Variants in VAT1L observed in about 807,000 individuals in gnomAD.
The protein encoded by VAT1L is vesicle amine transport 1 like, also known as putative NADPH-dependent quinone oxidoreductase VAT1L.
Under a neutral mutation model 44.1 loss-of-function variants are expected in VAT1L, and 34 were observed. The ratio of observed to expected loss-of-function variants is 0.77; its 90% CI spans 0.59 to 1.03. The LOEUF (loss-of-function observed/expected upper bound fraction) is 1.03. Ranked by LOEUF, VAT1L falls within the 50% of genes least tolerant of loss-of-function variation. The pLI is 0.00. For synonymous variants in VAT1L, 253 were observed against 202.2 expected (o/e 1.25, Z -2.13); for missense variants, 615 against 538.8 (o/e 1.14, Z -1.40).
At chr16:77,849,681 T>C (rs1030394986) in intron 3 of VAT1L, among the ~76,000 whole-genome samples, 1 of 152,150 alleles carries the variant, frequency 6.6e-6, no homozygotes, top group African/African-American at 2.4e-5. Flanking sequence ...AAAGGTGAAA[T>C]GAATAGAACT....
intron 1 of VAT1L, among the ~76,000 whole-genome samples, chr16:77,789,977 C>T (rs2015803397): frequency 6.6e-6 from 1 of 152,146 alleles, no homozygotes; most frequent in African/African-American, 2.4e-5. Flanking sequence ...GTGAGACGAG[C>T]CTATTCCTTC....
At chr16:77,973,675 T>A (rs1179529860) in intron 8 of VAT1L, among the ~76,000 whole-genome samples, 3 of 145,622 alleles carry the variant, frequency 2.1e-5, no homozygotes, top group Admixed American at 6.8e-5. Context: ...ATCAGTTCTT[T>A]AAAAAAAAAA....
chr16:77,943,433 G>A (rs1192270179), intron 7 of VAT1L, among the ~76,000 whole-genome samples: 1 of 130,234 alleles, frequency 7.7e-6, no homozygotes, highest in African/African-American at 3.0e-5. Context: ...AGGCTGGACT[G>A]TAGTTTCCCG....
At chr16:77,836,627 A>G (rs2016641848) in intron 3 of VAT1L, among the ~76,000 whole-genome samples, 1 of 152,194 alleles carries the variant, frequency 6.6e-6, no homozygotes, top group African/African-American at 2.4e-5. Flanking sequence ...GAAATCTCTA[A>G]TGCCAACAGC....
intron 4 of VAT1L, among the ~76,000 whole-genome samples, chr16:77,869,892 A>G (rs11150019): frequency 0.4 from 60,297 of 151,932 alleles, 12,599 homozygotes; most frequent in East Asian, 0.54. Flanking sequence ...GAAGCCAAGG[A>G]GTATAAGATC....
chr16:77,796,890 A>G (rs2015943738), intron 1 of VAT1L, among the ~76,000 whole-genome samples: 1 of 152,198 alleles, frequency 6.6e-6, no homozygotes, highest in Non-Finnish European at 1.5e-5. Flanking sequence ...AGAAAGTCCA[A>G]TCTGGGACGT....
chr16:77,832,892 G>A (rs142277013), intron 3 of VAT1L, among the ~76,000 whole-genome samples: 21 of 152,282 alleles, frequency 1.4e-4, no homozygotes, highest in Admixed American at 2.0e-4. Context: ...ATCTTCAGTG[G>A]CTGAAGGATT....
chr16:77,899,345 G>T (rs542081861), intron 7 of VAT1L, among the ~76,000 whole-genome samples: 2 of 152,298 alleles, frequency 1.3e-5, no homozygotes, highest in Admixed American at 6.5e-5. Context: ...TGGTTGCCCC[G>T]TCAGGCATCC....
chr16:77,980,092 G>C lies in VAT1L; in HGVS notation c.*2397G>C, dbSNP rs986188286. ...CATAAAAATATAAATAAAGTATTCAGCATAGCAAAACCTCACCTGGCATCT... is the reference window on the plus strand; with the variant it reads ...CATAAAAATATAAATAAAGTATTCACCATAGCAAAACCTCACCTGGCATCT... On this transcript the variant is annotated 3_prime_UTR_variant, in exon 9 of 9. Transcript: ENST00000302536. 5.2e-5 allele frequency: 8 copies of C among 152,590 alleles called. No individual in the cohort carries two copies. The highest frequency in any genetic ancestry group is 1.7e-4 in the African/African-American group (7 of 41,426). The allele number at this position is 152,590 out of a possible 1,614,324, so 9.5% of individuals were successfully genotyped here. A position where few individuals can be genotyped will look rare whatever the true frequency, so the allele number is the denominator to read the frequency against.
chr16:77,813,648 G>A (rs1000594168), intron 1 of VAT1L, among the ~76,000 whole-genome samples: 3 of 152,068 alleles, frequency 2.0e-5, no homozygotes, highest in Non-Finnish European at 2.9e-5. Flanking sequence ...GCTTTTCCAC[G>A]TATGCTTCCC....
chr16:77,974,832 G>C (rs1203599228), intron 8 of VAT1L, among the ~76,000 whole-genome samples: 2 of 152,086 alleles, frequency 1.3e-5, no homozygotes, highest in Admixed American at 6.5e-5. Context: ...GCCTCCCAAA[G>C]AGCTGGGATT....
chr16:77,958,604 C>G (rs1332798211), intron 7 of VAT1L, among the ~76,000 whole-genome samples: 4 of 152,040 alleles, frequency 2.6e-5, no homozygotes, highest in Non-Finnish European at 4.4e-5. Flanking sequence ...TGCTTTAGTT[C>G]AAAACACAAT....
chr16:77,893,892 A>T (rs1451210675), intron 7 of VAT1L, among the ~76,000 whole-genome samples: 1 of 152,232 alleles, frequency 6.6e-6, no homozygotes, highest in African/African-American at 2.4e-5. Flanking sequence ...GCTACTAGGA[A>T]ATGCTTAGCA....
intron 7 of VAT1L, among the ~76,000 whole-genome samples, chr16:77,935,227 G>A (rs2017779273): frequency 1.3e-5 from 2 of 152,150 alleles, no homozygotes; most frequent in South Asian, 2.1e-4. Context: ...TGTAGGAGAT[G>A]TCTCTTCACT....
intron 3 of VAT1L, among the ~76,000 whole-genome samples, chr16:77,835,364 T>A (rs1175105919): frequency 2.0e-5 from 3 of 152,196 alleles, no homozygotes; most frequent in Non-Finnish European, 4.4e-5. Flanking sequence ...TTTGGCTGCC[T>A]CTGGTATGTA....
intron 4 of VAT1L, among the ~76,000 whole-genome samples, chr16:77,864,488 C>G (rs2016949650): frequency 6.6e-6 from 1 of 152,146 alleles, no homozygotes; most frequent in Non-Finnish European, 1.5e-5. Flanking sequence ...TGCCTGTAGT[C>G]TCAGCTACTC....
At chr16:77,870,569 A>C (rs1435515165) in intron 4 of VAT1L, among the ~76,000 whole-genome samples, 1 of 152,230 alleles carries the variant, frequency 6.6e-6, no homozygotes, top group African/African-American at 2.4e-5. Flanking sequence ...GGCTGGGGAC[A>C]CAGGAAGGAC....
intron 7 of VAT1L, among the ~76,000 whole-genome samples, chr16:77,905,101 A>G (rs1284480280): frequency 1.3e-5 from 2 of 152,248 alleles, no homozygotes; most frequent in Non-Finnish European, 2.9e-5. Context: ...TAATGTGGTT[A>G]TGAAAGACCC....
chr16:77,882,813 T>C (rs2017168896), intron 6 of VAT1L, among the ~76,000 whole-genome samples: 1 of 152,200 alleles, frequency 6.6e-6, no homozygotes, highest in South Asian at 2.1e-4. Context: ...AAAATCACTG[T>C]CCCATAGAAT....
Sources: allele counts gnomAD v4.1 joint callset (sites outside exome capture counted in the v4.1 genomes callset), GRCh38; gene constraint gnomAD v4.1.1; transcripts MANE v1.5; gene names NCBI Gene and HGNC (gene_info 2026-07-23, HGNC 2026-07-21).